Variants in ZNF148 observed in about 807,000 individuals in gnomAD.
ZNF148 encodes zinc finger protein 148, also known as Beta-Enolase Repressor Factor-1.
A neutral mutation model predicts 67.7 loss-of-function variants in ZNF148; 7 were observed. That is an observed-to-expected ratio of 0.10 (90% CI 0.06 to 0.19). The LOEUF is 0.19. ZNF148 is among the 10% of genes least tolerant of loss of function. ZNF148 has a pLI of 1.00. For synonymous variants in ZNF148, 333 were observed against 330.7 expected, an observed-to-expected ratio of 1.01 and a Z score of -0.08; for missense variants, 583 against 947.1, an observed-to-expected ratio of 0.62 and a Z score of 5.05.
chr3:125,347,015 T>C (rs182042664), intron 1 of ZNF148, among the ~76,000 whole-genome samples: 137 of 152,002 alleles, frequency 9.0e-4, no homozygotes, highest in African/African-American at 3.1e-3. Context: ...GGATGCAAAA[T>C]TTACAAAAAT....
intron 1 of ZNF148, among the ~76,000 whole-genome samples, chr3:125,371,783 G>C (rs1418750073): frequency 4.6e-5 from 7 of 151,898 alleles, no homozygotes; most frequent in Admixed American, 3.9e-4. Context: ...ACTGCAATCA[G>C]GCCGGGCGCG....
At chr3:125,248,221 C>T (rs542090212) in intron 7 of ZNF148, among the ~76,000 whole-genome samples, 9 of 152,262 alleles carry the variant, frequency 5.9e-5, no homozygotes, top group African/African-American at 1.9e-4. Flanking sequence ...AATCCCAAAA[C>T]GTACAACAGA....
At chr3:125,367,227 C>G (rs2107793075) in intron 1 of ZNF148, among the ~76,000 whole-genome samples, 1 of 152,322 alleles carries the variant, frequency 6.6e-6, no homozygotes, top group East Asian at 1.9e-4. Flanking sequence ...TTCAAATAGC[C>G]TTACCATCTT....
At chr3:125,274,039 G>A (rs1408945457) in intron 7 of ZNF148, among the ~76,000 whole-genome samples, 4 of 152,032 alleles carry the variant, frequency 2.6e-5, no homozygotes, top group Admixed American at 6.6e-5. Flanking sequence ...AAATGCTCAC[G>A]GGGTGAGAAG....
chr3:125,320,055 A>G (rs1294983310), intron 3 of ZNF148, among the ~76,000 whole-genome samples: 2 of 152,184 alleles, frequency 1.3e-5, no homozygotes, highest in Non-Finnish European at 2.9e-5. Flanking sequence ...GGAGGATTCA[A>G]CACTTTCCAC....
chr3:125,359,290 C>A (rs1367820446), intron 1 of ZNF148, among the ~76,000 whole-genome samples: 1 of 152,180 alleles, frequency 6.6e-6, no homozygotes, highest in Non-Finnish European at 1.5e-5. Context: ...AGGGCTAAAT[C>A]CTGGAACTAA....
chr3:125,322,049 T>A (rs1940800060), intron 3 of ZNF148, among the ~76,000 whole-genome samples: 1 of 148,084 alleles, frequency 6.8e-6, no homozygotes, highest in African/African-American at 2.5e-5. Context: ...TTTTTTTTTT[T>A]GAGAGAGAGT....
chr3:125,357,504 G>T (rs996448911), intron 1 of ZNF148, among the ~76,000 whole-genome samples: 1 of 152,140 alleles, frequency 6.6e-6, no homozygotes, highest in South Asian at 2.1e-4. Flanking sequence ...GCGCCCACTC[G>T]CCCAGCCACG....
chr3:125,342,321 T>C (rs954695055), intron 1 of ZNF148, among the ~76,000 whole-genome samples: 2 of 151,374 alleles, frequency 1.3e-5, no homozygotes, highest in African/African-American at 4.9e-5. Flanking sequence ...AACATCATAA[T>C]TAAACATTCA....
intron 1 of ZNF148, among the ~76,000 whole-genome samples, chr3:125,359,478 C>T (rs1037004151): frequency 9.9e-5 from 15 of 152,000 alleles, no homozygotes; most frequent in African/African-American, 3.6e-4. Context: ...GTCTATAATC[C>T]CAGCACTTCA....
intron 1 of ZNF148, among the ~76,000 whole-genome samples, chr3:125,343,651 A>G (rs1022886649): frequency 1.3e-4 from 20 of 152,302 alleles, no homozygotes; most frequent in Admixed American, 5.2e-4. Flanking sequence ...GAAACAGAAC[A>G]TGGGCAGGGA....
chr3:125,347,507 T>G (rs146501997), intron 1 of ZNF148, among the ~76,000 whole-genome samples: 43 of 152,202 alleles, frequency 2.8e-4, no homozygotes, highest in Admixed American at 1.5e-3. Context: ...GGAATAGAAT[T>G]TAGAGTCCAG....
chr3:125,317,662 T>TATATATATATAGAGAGAGAG lies in ZNF148; in HGVS notation c.-16-4007_-16-4006insCTCTCTCTCTATATATATAT, dbSNP rs752542874. 2.3e-3 allele frequency among the ~76,000 whole-genome samples: 205 copies of TATATATATATAGAGAGAGAG among 90,014 alleles called. 3 individuals carry two copies. The highest frequency in any genetic ancestry group is 3.2e-3 in the Non-Finnish European group (146 of 45,864). 59.1% of individuals were successfully genotyped at this position (90,014 alleles called of 152,430 possible). A position where few individuals can be genotyped will look rare whatever the true frequency, so the allele number is the denominator to read the frequency against. ...GATCTTTTATATATATATATATATA[T>TATATATATATAGAGAGAGAG]AGAGAGAGAGAGAGAGAAATACATA... On this transcript the variant is annotated intron_variant, in intron 3 of 8. Coordinates refer to ENST00000360647, the MANE Select transcript of ZNF148 (RefSeq NM_021964.3).
At chr3:125,348,365 C>T (rs1336999272) in intron 1 of ZNF148, among the ~76,000 whole-genome samples, 1 of 151,532 alleles carries the variant, frequency 6.6e-6, no homozygotes, top group Non-Finnish European at 1.5e-5. Flanking sequence ...CCTATAGTCC[C>T]AGCTACTCAG....
intron 1 of ZNF148, among the ~76,000 whole-genome samples, chr3:125,355,224 G>A (rs1164835675): frequency 3.9e-5 from 6 of 152,186 alleles, no homozygotes; most frequent in Admixed American, 1.3e-4. Flanking sequence ...ATGATATAGA[G>A]ATATCAATTA....
chr3:125,327,379 A>G (rs1253771776), intron 2 of ZNF148, among the ~76,000 whole-genome samples: 1 of 152,224 alleles, frequency 6.6e-6, no homozygotes, highest in Non-Finnish European at 1.5e-5. Flanking sequence ...GAACCACACT[A>G]TCAACCAACT....
At chr3:125,371,658 CAAAAAA>C (rs34843090) in intron 1 of ZNF148, among the ~76,000 whole-genome samples, 1 of 51,198 alleles carries the variant, frequency 2.0e-5, no homozygotes, top group Non-Finnish European at 4.0e-5. Flanking sequence ...GACTCCGTCC[CAAAAAA>C]AAAAAAAAAA....
intron 7 of ZNF148, among the ~76,000 whole-genome samples, chr3:125,249,014 T>C (rs1936720002): frequency 6.6e-6 from 1 of 152,102 alleles, no homozygotes; most frequent in African/African-American, 2.4e-5. Context: ...TTGTACACCA[T>C]ACACGAAAAA....
intron 1 of ZNF148, among the ~76,000 whole-genome samples, chr3:125,358,270 GCCACTGCACTCCA>G (rs1256160513): frequency 6.6e-6 from 1 of 151,812 alleles, no homozygotes; most frequent in Non-Finnish European, 1.5e-5. Flanking sequence ...GCGTGATAAC[GCCACTGCACTCCA>G]CTCTGGGCAA....
Sources: allele counts gnomAD v4.1 joint callset (sites outside exome capture counted in the v4.1 genomes callset), GRCh38; gene constraint gnomAD v4.1.1; transcripts MANE v1.5; gene names NCBI Gene and HGNC (gene_info 2026-07-23, HGNC 2026-07-21).